RORA: variants seen among roughly 807,000 people sequenced by gnomAD.
RORA encodes the protein RAR related orphan receptor A, also known as nuclear receptor ROR-alpha.
A neutral mutation model predicts 69.5 loss-of-function variants in RORA; 7 were observed. That is an observed-to-expected ratio of 0.10 (90% CI 0.06 to 0.19). The LOEUF (loss-of-function observed/expected upper bound fraction) is 0.19. RORA is among the 10% of genes least tolerant of loss of function. The pLI is 1.00. For missense variants in RORA, 457 were observed against 663.0 expected (o/e 0.69, Z 3.41); for synonymous variants, 261 against 240.8 (o/e 1.08, Z -0.78).
chr15:61,186,640 CAAAAAAAAAAA>C (rs58380679), intron 1 of RORA, among the ~76,000 whole-genome samples: 1 of 67,590 alleles, frequency 1.5e-5, no homozygotes, highest in East Asian at 5.3e-4. Flanking sequence ...GACCCTGACT[CAAAAAAAAAAA>C]AAAAAAAAAA....
chr15:60,762,040 TA>T (rs1266443102), intron 1 of RORA, among the ~76,000 whole-genome samples: 3 of 152,158 alleles, frequency 2.0e-5, no homozygotes, highest in African/African-American at 7.2e-5. Context: ...CCCAGGTGTC[TA>T]AAACATAAGG....
intron 1 of RORA, among the ~76,000 whole-genome samples, chr15:60,798,084 CAA>C (rs1020345759): frequency 2.0e-5 from 3 of 151,934 alleles, no homozygotes; most frequent in African/African-American, 7.3e-5. Context: ...ACACATATTT[CAA>C]AAGTTTCCGT....
intron 1 of RORA, among the ~76,000 whole-genome samples, chr15:61,110,027 C>G (rs2078988710): frequency 7.0e-6 from 1 of 141,872 alleles, no homozygotes; most frequent in African/African-American, 2.7e-5. Context: ...ATCAAAATGT[C>G]TTATGGCAAT....
At chr15:61,097,999 G>A (rs1035358663) in intron 1 of RORA, among the ~76,000 whole-genome samples, 1 of 152,082 alleles carries the variant, frequency 6.6e-6, no homozygotes, top group African/African-American at 2.4e-5. Context: ...GGGCCTAGAA[G>A]GGAACTGCTA....
chr15:60,501,390 C>T (rs2065327688), intron 8 of RORA, among the ~76,000 whole-genome samples: 3 of 152,244 alleles, frequency 2.0e-5, no homozygotes, highest in East Asian at 1.9e-4. Context: ...GCAAGTATTG[C>T]TCTAAGGTAT....
chr15:61,172,833 C>T (rs757299037), intron 1 of RORA, among the ~76,000 whole-genome samples: 3 of 151,864 alleles, frequency 2.0e-5, no homozygotes, highest in Non-Finnish European at 2.9e-5. Context: ...GTATCCTGGG[C>T]TGGGAGGAGC....
At chr15:60,821,135 T>C (rs1259983589) in intron 1 of RORA, among the ~76,000 whole-genome samples, 3 of 152,142 alleles carry the variant, frequency 2.0e-5, no homozygotes, top group Non-Finnish European at 4.4e-5. Context: ...TTCCACCAGG[T>C]AACAGGGCCA....
intron 1 of RORA, among the ~76,000 whole-genome samples, chr15:60,968,591 A>G (rs1232500636): frequency 6.6e-6 from 1 of 152,070 alleles, no homozygotes; most frequent in Non-Finnish European, 1.5e-5. Context: ...TACAAACTGG[A>G]TATCAGGGAT....
intron 1 of RORA, among the ~76,000 whole-genome samples, chr15:60,755,551 A>C (rs2071789591): frequency 6.6e-6 from 1 of 152,094 alleles, no homozygotes; most frequent in Non-Finnish European, 1.5e-5. Context: ...ATCCCTGAGG[A>C]ATCGCCACAC....
At chr15:60,603,497 C>T (rs2068867966) in intron 2 of RORA, among the ~76,000 whole-genome samples, 1 of 152,160 alleles carries the variant, frequency 6.6e-6, no homozygotes. Flanking sequence ...ATAAAGTTCC[C>T]AGGAACACTG....
chr15:61,140,386 G>A lies in RORA; in HGVS notation c.166+88667C>T, dbSNP rs183683260. On this transcript the variant is annotated intron_variant, in intron 1 of 10. Coordinates refer to ENST00000335670, the MANE Select transcript of RORA (RefSeq NM_134261.3). ...TAGGTGTGCTTGATTAATAACCCCC[G>A]CCAAAATTCTACTCATCCTTAAAGA... Among the ~76,000 whole-genome samples the A allele has an allele frequency of 6.8e-4, 103 of 152,184 alleles. 2 individuals are homozygous for A. The highest frequency in any genetic ancestry group is 6.9e-4 in the Non-Finnish European group (47 of 68,000).
At chr15:60,819,759 A>ACACACACACACACACACACACACG (rs1567202037) in intron 1 of RORA, among the ~76,000 whole-genome samples, 5 of 132,892 alleles carry the variant, frequency 3.8e-5, no homozygotes, top group African/African-American at 1.4e-4. Context: ...ACACACACAC[A>ACACACACACACACACACACACACG]CACACACACA....
chr15:60,550,086 T>G (rs2067188577), intron 2 of RORA, among the ~76,000 whole-genome samples: 1 of 151,434 alleles, frequency 6.6e-6, no homozygotes. Context: ...AGGTCAGGAG[T>G]TCAAGACCAG....
At chr15:60,657,884 A>C (rs926920513) in intron 2 of RORA, among the ~76,000 whole-genome samples, 7 of 152,056 alleles carry the variant, frequency 4.6e-5, no homozygotes, top group Non-Finnish European at 7.4e-5. Flanking sequence ...AATATTTCTT[A>C]GCCAACACTT....
chr15:61,050,768 G>T (rs1897254085), intron 1 of RORA, among the ~76,000 whole-genome samples: 2 of 152,198 alleles, frequency 1.3e-5, no homozygotes, highest in Admixed American at 1.3e-4. Flanking sequence ...CACCATCCCA[G>T]TTGCTTTCCA....
chr15:60,730,327 C>A, intron 1 of RORA, among the ~76,000 whole-genome samples: 1 of 152,316 alleles, frequency 6.6e-6, no homozygotes, highest in Non-Finnish European at 1.5e-5. Context: ...TAGGAAATGC[C>A]ATTCTTCTCA....
intron 1 of RORA, among the ~76,000 whole-genome samples, chr15:60,749,482 G>T (rs2071693172): frequency 6.6e-6 from 1 of 152,172 alleles, no homozygotes; most frequent in African/African-American, 2.4e-5. Context: ...TATTTTAGGA[G>T]ATTAATTTAC....
intron 1 of RORA, among the ~76,000 whole-genome samples, chr15:60,871,093 G>A (rs536263708): frequency 6.6e-5 from 10 of 152,084 alleles, no homozygotes; most frequent in African/African-American, 1.7e-4. Context: ...TGAGCACATC[G>A]GAACAAGCAT....
chr15:61,124,871 C>T (rs754896129), intron 1 of RORA, among the ~76,000 whole-genome samples: 5 of 152,334 alleles, frequency 3.3e-5, no homozygotes, highest in Non-Finnish European at 7.3e-5. Flanking sequence ...GACTCTATCA[C>T]TGTAATCCCC....
Sources: gnomAD v4.1 joint callset for allele counts (sites outside exome capture counted in the v4.1 genomes callset) on GRCh38, gnomAD v4.1.1 for gene constraint, MANE v1.5 for transcripts, NCBI Gene and HGNC (gene_info 2026-07-23, HGNC 2026-07-21) for gene names.